The following TFPI variants were observed in gnomAD, a reference collection of about 807,000 sequenced individuals.
The protein encoded by TFPI is tissue factor pathway inhibitor.
Under a neutral mutation model 34.6 loss-of-function variants are expected in TFPI, and 15 were observed. That is an observed-to-expected ratio of 0.43 (90% CI 0.29 to 0.67). TFPI has a LOEUF of 0.67. Among genes scored for constraint, TFPI ranks in the 30% least tolerant of loss-of-function variants. TFPI has a pLI of 0.15. For synonymous variants in TFPI, 105 were observed against 120.1 expected (o/e 0.87, Z 0.82); for missense variants, 301 against 364.0 (o/e 0.83, Z 1.41).
intron 1 of TFPI, chr2:187,513,468 A>C (rs1686785871): frequency 6.6e-6 from 1 of 152,312 alleles, no homozygotes; most frequent in South Asian, 2.1e-4. Context: ...AGCATTGTCT[A>C]ATTTCTTAAA....
At chr2:187,537,689 A>G (rs975926607) in intron 1 of TFPI, among the ~76,000 whole-genome samples, 6 of 152,380 alleles carry the variant, frequency 3.9e-5, no homozygotes, top group South Asian at 2.1e-4. Context: ...CGAAGACTTC[A>G]TCACTAAAAC....
At chr2:187,492,203 T>A (rs938229109) in intron 3 of TFPI, among the ~76,000 whole-genome samples, 1 of 152,150 alleles carries the variant, frequency 6.6e-6, no homozygotes, top group Non-Finnish European at 1.5e-5. Flanking sequence ...TTAAGTTACT[T>A]GTGGATCAAC....
intron 1 of TFPI, among the ~76,000 whole-genome samples, chr2:187,549,528 G>A (rs1243943448): frequency 6.6e-6 from 1 of 152,052 alleles, no homozygotes; most frequent in Non-Finnish European, 1.5e-5. Context: ...AAATATAGAA[G>A]AGAGTGAGAT....
intron 6 of TFPI, among the ~76,000 whole-genome samples, chr2:187,480,970 A>G (rs1692811533): frequency 6.6e-6 from 1 of 152,102 alleles, no homozygotes; most frequent in African/African-American, 2.4e-5. Context: ...GTAATTAAAA[A>G]TAAATAGCAA....
intron 2 of TFPI, 135 bp downstream of exon 2, chr2:187,503,505 ATTAGGTAT>A: frequency 9.0e-6 from 8 of 893,064 alleles, no homozygotes; most frequent in Non-Finnish European, 1.3e-5. Flanking sequence ...ACACACATAC[ATTAGGTAT>A]AATAAATTTC....
intron 1 of TFPI, among the ~76,000 whole-genome samples, chr2:187,552,447 A>T (rs1219716545): frequency 6.6e-6 from 1 of 152,124 alleles, no homozygotes; most frequent in Admixed American, 6.6e-5. Flanking sequence ...TTTATTACAA[A>T]ATATGTTATC....
chr2:187,492,718 T>G (rs1198559579), intron 3 of TFPI, among the ~76,000 whole-genome samples: 1 of 152,152 alleles, frequency 6.6e-6, no homozygotes, highest in Non-Finnish European at 1.5e-5. Context: ...CTGTAGACCC[T>G]TTGTTTTGGC....
At chr2:187,526,023 G>T (rs1477043606) in intron 1 of TFPI, among the ~76,000 whole-genome samples, 1 of 152,028 alleles carries the variant, frequency 6.6e-6, no homozygotes, top group East Asian at 1.9e-4. Context: ...ATAGTATTAT[G>T]AGGATTAAAT....
At chr2:187,532,149 T>C (rs1382265934) in intron 1 of TFPI, among the ~76,000 whole-genome samples, 2 of 152,226 alleles carry the variant, frequency 1.3e-5, no homozygotes, top group South Asian at 2.1e-4. Flanking sequence ...TGATTTCTTA[T>C]GCATGTTAAT....
chr2:187,521,218 T>A (rs1687353690), intron 1 of TFPI, among the ~76,000 whole-genome samples: 1 of 152,158 alleles, frequency 6.6e-6, no homozygotes, highest in African/African-American at 2.4e-5. Context: ...ATATGTTCTG[T>A]GACTGGCTTA....
chr2:187,553,337 C>T (rs1455739739), intron 1 of TFPI, among the ~76,000 whole-genome samples: 1 of 152,028 alleles, frequency 6.6e-6, no homozygotes, highest in Non-Finnish European at 1.5e-5. Context: ...TTCCAGAGCA[C>T]TGAGTCACAG....
intron 6 of TFPI, among the ~76,000 whole-genome samples, chr2:187,474,052 GGGATTTGTCTAA>G (rs891766840): frequency 2.0e-5 from 3 of 152,192 alleles, no homozygotes; most frequent in Admixed American, 1.3e-4. Flanking sequence ...TGTTTCTTCA[GGGATTTGTCTAA>G]GCAAGGCCAC....
chr2:187,506,454 A>G (rs1291183659), intron 1 of TFPI, among the ~76,000 whole-genome samples: 1 of 152,132 alleles, frequency 6.6e-6, no homozygotes, highest in Non-Finnish European at 1.5e-5. Flanking sequence ...TCGTTAATAT[A>G]CCAAAATTGA....
At chr2:187,506,327 C>T (rs769069695) in intron 1 of TFPI, among the ~76,000 whole-genome samples, 1 of 151,626 alleles carries the variant, frequency 6.6e-6, no homozygotes, top group Non-Finnish European at 1.5e-5. Flanking sequence ...AAAAATTGAC[C>T]CCATTATTTA....
At chr2:187,473,124 A>G (rs1231706592) in intron 6 of TFPI, among the ~76,000 whole-genome samples, 3 of 152,164 alleles carry the variant, frequency 2.0e-5, no homozygotes, top group African/African-American at 7.2e-5. Context: ...TAGAATCAAG[A>G]AAATATAATA....
chr2:187,520,508 A>G, intron 1 of TFPI: 1 of 152,292 alleles, frequency 6.6e-6, no homozygotes, highest in Non-Finnish European at 1.5e-5. Flanking sequence ...GAGATGAGCC[A>G]GATACCTCAG....
At chr2:187,494,402 A>G (rs1376744493) in intron 3 of TFPI, among the ~76,000 whole-genome samples, 2 of 152,150 alleles carry the variant, frequency 1.3e-5, no homozygotes, top group Non-Finnish European at 2.9e-5. Context: ...CTTTCATGTA[A>G]TGGTGGTTCT....
rs367737432 is a variant in TFPI, at chr2:187,539,967, C to A, written c.-3+14233G>T. Reference sequence around the variant, plus strand: ...AGGCTGGAGTGCAGTGGCTCGATCTCGGCTCACTGCAACTTCCGCCTCCCG... The same window carrying A: ...AGGCTGGAGTGCAGTGGCTCGATCTAGGCTCACTGCAACTTCCGCCTCCCG... On this transcript the variant is annotated intron_variant, in intron 1 of 7. Transcript: ENST00000233156. Among the ~76,000 whole-genome samples, 402 of 149,416 alleles carry A rather than the reference C, an allele frequency of 2.7e-3. 5 individuals carry two copies. Among genetic ancestry groups the A allele is most frequent in the African/African-American group, 9.6e-3 (389 of 40,524 alleles).
chr2:187,492,205 T>C (rs1056472392), intron 3 of TFPI, among the ~76,000 whole-genome samples: 2 of 152,172 alleles, frequency 1.3e-5, no homozygotes, highest in African/African-American at 4.8e-5. Context: ...AAGTTACTTG[T>C]GGATCAACTT....
Sources: gnomAD v4.1 joint callset for allele counts (sites outside exome capture counted in the v4.1 genomes callset) on GRCh38, gnomAD v4.1.1 for gene constraint, MANE v1.5 for transcripts, NCBI Gene and HGNC (gene_info 2026-07-23, HGNC 2026-07-21) for gene names.